Variants in ARB2A observed in about 807,000 individuals in gnomAD.
ARB2A encodes the protein cotranscriptional regulator ARB2A.
the ARB2A span, among the ~76,000 whole-genome samples, chr5:93,905,756 T>C: frequency 6.6e-6 from 1 of 151,494 alleles, no homozygotes; most frequent in African/African-American, 2.4e-5. Flanking sequence ...CCATTACTTC[T>C]TTAAGTTATT....
the ARB2A span, among the ~76,000 whole-genome samples, chr5:93,935,539 A>C: frequency 6.6e-6 from 1 of 152,268 alleles, no homozygotes; most frequent in South Asian, 2.1e-4. Flanking sequence ...GAATAGAGAG[A>C]TATTGATGGT....
At chr5:93,968,719 A>T in the ARB2A span, among the ~76,000 whole-genome samples, 1 of 152,140 alleles carries the variant, frequency 6.6e-6, no homozygotes, top group African/African-American at 2.4e-5. Context: ...AAGTGCAGAC[A>T]GCATCAAGCT....
At chr5:93,849,038 C>T in the ARB2A span, among the ~76,000 whole-genome samples, 1 of 152,132 alleles carries the variant, frequency 6.6e-6, no homozygotes, top group Non-Finnish European at 1.5e-5. Context: ...AAAACAGAAG[C>T]ACATTTGTTA....
chr5:93,827,880 CAG>C, the ARB2A span, among the ~76,000 whole-genome samples: 1 of 152,064 alleles, frequency 6.6e-6, no homozygotes, highest in Non-Finnish European at 1.5e-5. Flanking sequence ...TTGTTTTTCT[CAG>C]GTTTGTCAAA....
chr5:93,936,805 C>A, the ARB2A span, among the ~76,000 whole-genome samples: 1 of 152,020 alleles, frequency 6.6e-6, no homozygotes, highest in East Asian at 1.9e-4. Flanking sequence ...TTTTAATATA[C>A]CCAGTATTGA....
chr5:93,849,507 A>G, the ARB2A span, among the ~76,000 whole-genome samples: 1 of 152,100 alleles, frequency 6.6e-6, no homozygotes, highest in African/African-American at 2.4e-5. Flanking sequence ...CTACTTGATG[A>G]ATATTCTGTT....
At chr5:93,845,768 A>AG in the ARB2A span, among the ~76,000 whole-genome samples, 3 of 152,270 alleles carry the variant, frequency 2.0e-5, no homozygotes, top group East Asian at 5.8e-4. Context: ...TGTGTGTTGG[A>AG]GGGGGCGTAA....
the ARB2A span, among the ~76,000 whole-genome samples, chr5:93,940,935 AAG>A: frequency 1.3e-5 from 2 of 152,152 alleles, no homozygotes; most frequent in African/African-American, 2.4e-5. Flanking sequence ...ATGGAAATAA[AAG>A]AGTTTTTAAA....
At chr5:93,927,253 A>G in the ARB2A span, among the ~76,000 whole-genome samples, 2 of 152,162 alleles carry the variant, frequency 1.3e-5, no homozygotes, top group African/African-American at 2.4e-5. Flanking sequence ...AAAAAGAACT[A>G]GGAAAGGGCT....
At chr5:94,048,051 CTTTTTTTTT>C in the ARB2A span, among the ~76,000 whole-genome samples, 1 of 96,078 alleles carries the variant, frequency 1.0e-5, no homozygotes, top group Admixed American at 1.5e-4. Flanking sequence ...AATCGGTAAG[CTTTTTTTTT>C]TTTTTTTTTT....
the ARB2A span, among the ~76,000 whole-genome samples, chr5:93,774,739 T>C: frequency 6.6e-6 from 1 of 152,210 alleles, no homozygotes; most frequent in Non-Finnish European, 1.5e-5. Context: ...GTTAGCTTCA[T>C]TCAGGCCTGA....
chr5:93,621,277 C>G, the ARB2A span: 481 of 635,520 alleles, frequency 7.6e-4, no homozygotes, highest in African/African-American at 8.8e-3. Flanking sequence ...CAGCCGCCCG[C>G]GCCCCGCCCC....
the ARB2A span, among the ~76,000 whole-genome samples, chr5:94,039,532 T>C: frequency 1.3e-5 from 2 of 152,196 alleles, no homozygotes; most frequent in East Asian, 3.9e-4. Flanking sequence ...GATGTACCCC[T>C]TGTTCAGCAT....
chr5:93,730,876 A>G, the ARB2A span, among the ~76,000 whole-genome samples: 37 of 152,320 alleles, frequency 2.4e-4, no homozygotes, highest in Admixed American at 9.8e-4. Context: ...ATAAATAAGA[A>G]GTTACTGTAA....
the ARB2A span, among the ~76,000 whole-genome samples, chr5:93,769,692 T>C: frequency 4.6e-5 from 7 of 152,322 alleles, no homozygotes; most frequent in South Asian, 1.5e-3. Context: ...AGCAATTCAT[T>C]CTTTTTTAAA....
At chr5:94,038,872 C>T in the ARB2A span, among the ~76,000 whole-genome samples, 1 of 151,216 alleles carries the variant, frequency 6.6e-6, no homozygotes, top group African/African-American at 2.4e-5. Context: ...AATCTGTTTC[C>T]TTAAGTCTTC....
chr5:93,809,674 T>G, the ARB2A span, among the ~76,000 whole-genome samples: 1 of 152,000 alleles, frequency 6.6e-6, no homozygotes, highest in South Asian at 2.1e-4. Flanking sequence ...TCAGATGAAG[T>G]GCTTATAATA....
the ARB2A span, among the ~76,000 whole-genome samples, chr5:93,728,711 G>A: frequency 2.6e-5 from 4 of 151,810 alleles, no homozygotes; most frequent in African/African-American, 7.3e-5. Flanking sequence ...AAGAAAGGCC[G>A]TTAGAACCTT....
the ARB2A span, among the ~76,000 whole-genome samples, chr5:93,972,362 G>A: frequency 1.3e-4 from 19 of 151,748 alleles, no homozygotes; most frequent in African/African-American, 2.2e-4. Context: ...CCCTGAAAGC[G>A]CCAAGAAACA....
Sources: allele counts gnomAD v4.1 joint callset (sites outside exome capture counted in the v4.1 genomes callset), GRCh38; gene constraint gnomAD v4.1.1; transcripts MANE v1.5; gene names NCBI Gene and HGNC (gene_info 2026-07-23, HGNC 2026-07-21).